ZFHX3: variants seen among roughly 807,000 people sequenced by gnomAD.
The protein encoded by ZFHX3 is zinc finger homeobox protein 3.
Under a neutral mutation model 279.1 loss-of-function variants are expected in ZFHX3, and 42 were observed. That is an observed-to-expected ratio of 0.15 (90% CI 0.12 to 0.19). ZFHX3 has a LOEUF of 0.19. Ranked by LOEUF, ZFHX3 falls within the 10% of genes least tolerant of loss-of-function variation. The probability of loss-of-function intolerance (pLI) is 1.00; values close to 1 mark genes in which losing one functional copy is unlikely to be tolerated. For synonymous variants in ZFHX3, 2,293 were observed against 1,957.8 expected (o/e 1.17, Z -4.52); for missense variants, 4,981 against 4,754.0 (o/e 1.05, Z -1.40).
intron 3 of ZFHX3, among the ~76,000 whole-genome samples, chr16:73,422,708 C>T (rs1211360135): frequency 6.6e-6 from 1 of 152,182 alleles, no homozygotes; most frequent in Non-Finnish European, 1.5e-5. Flanking sequence ...TGCCTCTTTG[C>T]TCTATTCCTT....
At chr16:73,126,421 TGGGGACTGAAGTACTGGATGTGTCAAGC>T (rs984150066) in intron 7 of ZFHX3, among the ~76,000 whole-genome samples, 1 of 151,946 alleles carries the variant, frequency 6.6e-6, no homozygotes, top group Non-Finnish European at 1.5e-5. Context: ...CAACAGGACT[TGGGGACTGAAGTACTGGATGTGTCAAGC>T]GGGGACTGAA....
intron 1 of ZFHX3, among the ~76,000 whole-genome samples, chr16:73,716,659 G>A (rs868387150): frequency 0.025 from 3,501 of 140,288 alleles, 51 homozygotes; most frequent in African/African-American, 0.034. Flanking sequence ...ACGCATGCAC[G>A]CACGCACAGA....
At chr16:72,893,984 T>C (rs978665777) in intron 3 of ZFHX3, among the ~76,000 whole-genome samples, 1 of 151,994 alleles carries the variant, frequency 6.6e-6, no homozygotes, top group African/African-American at 2.4e-5. Context: ...ACCCCGTCTC[T>C]ATAAAAATAC....
upstream of ZFHX3, among the ~76,000 whole-genome samples, chr16:73,052,857 T>C (rs1965475531): frequency 6.6e-6 from 1 of 152,194 alleles, no homozygotes; most frequent in Non-Finnish European, 1.5e-5. Flanking sequence ...AGGGGACTCC[T>C]TCCCTGCTGC....
Position 73,581,086 on chromosome 16 carries a change from C to T in ZFHX3, c.-1547+99094G>A, listed in dbSNP as rs79319015. Among the ~76,000 whole-genome samples, 94 of 151,864 alleles carry T rather than the reference C, an allele frequency of 6.2e-4. 2 individuals are homozygous for T. In the East Asian group the frequency reaches 0.017, roughly 27 times the overall value. ...GTTCAGTGGACAGATCTAGGAAATG[C>T]TCGTCTTGCCTTTTCTAGAAAAATG... On this transcript the variant is annotated intron_variant, in intron 2 of 17. Coordinates refer to the ZFHX3 transcript ENST00000641206.
intron 2 of ZFHX3, among the ~76,000 whole-genome samples, chr16:73,622,920 C>T (rs770560410): frequency 3.9e-5 from 6 of 152,224 alleles, no homozygotes; most frequent in Non-Finnish European, 8.8e-5. Flanking sequence ...AGAATAATGC[C>T]TGTTGTTTCT....
chr16:72,787,063 TG>T lies in ZFHX3; in HGVS notation c.*100del. 8.4e-7 allele frequency: 1 copy of T among 1,189,004 alleles called. No individual in the cohort carries two copies. Among genetic ancestry groups the T allele is most frequent in the Non-Finnish European group, 1.1e-6 (1 of 922,330 alleles). 73.7% of individuals were successfully genotyped at this position (1,189,004 alleles called of 1,614,324 possible). ...TCTTTTTTTTTTTTTTTTTGTTTTT[TG>T]GTTAGAAGCTTTGGAATTGCAGTTA... On this transcript the variant is annotated 3_prime_UTR_variant, in exon 10 of 10. Coordinates refer to ENST00000268489, the MANE Select transcript of ZFHX3 (RefSeq NM_006885.4).
chr16:73,120,728 C>T (rs970792729), intron 7 of ZFHX3, among the ~76,000 whole-genome samples: 16 of 143,734 alleles, frequency 1.1e-4, no homozygotes, highest in African/African-American at 4.2e-4. Flanking sequence ...GATCTTGGCT[C>T]ACTGCACCCT....
intron 2 of ZFHX3, among the ~76,000 whole-genome samples, chr16:73,543,009 C>T (rs1009616065): frequency 5.9e-5 from 9 of 152,064 alleles, no homozygotes; most frequent in African/African-American, 1.4e-4. Context: ...AGTTTTTAAC[C>T]GTATATTTCC....
intron 2 of ZFHX3, among the ~76,000 whole-genome samples, chr16:73,493,881 G>A (rs1228666644): frequency 1.3e-5 from 2 of 148,726 alleles, no homozygotes; most frequent in African/African-American, 5.2e-5. Flanking sequence ...CCTCAGAGCT[G>A]CTAGAATGCA....
chr16:73,747,372 G>A (rs932427871), intron 1 of ZFHX3, among the ~76,000 whole-genome samples: 2 of 152,086 alleles, frequency 1.3e-5, no homozygotes, highest in African/African-American at 4.8e-5. Context: ...GACAGAGTAA[G>A]ACTCTATCTC....
chr16:72,890,496 G>GT (rs113661748), intron 3 of ZFHX3, among the ~76,000 whole-genome samples: 4,451 of 141,834 alleles, frequency 0.031, 111 homozygotes, highest in African/African-American at 0.08. Flanking sequence ...TCCTTAGAGG[G>GT]TTTTTTTTTT....
At position 73,236,985 on chromosome 16, in the gene ZFHX3, G is replaced by A. The variant is rs141562917; in HGVS notation, c.-1104+20062C>T. ...ACAATGACATCTCACAATCGTGCAG[G>A]GCTTTCCAATTTCCACGGTGCTCTT... On this transcript the variant is annotated intron_variant, in intron 5 of 17. Transcript: ENST00000641206. Among the ~76,000 whole-genome samples the A allele has an allele frequency of 1.8e-4, 28 of 152,226 alleles. No homozygotes were observed. The East Asian group carries it at 5.0e-3, about 27-fold the overall frequency.
chr16:73,287,157 T>G (rs1045207236), intron 4 of ZFHX3, among the ~76,000 whole-genome samples: 3 of 141,068 alleles, frequency 2.1e-5, no homozygotes, highest in African/African-American at 8.1e-5. Flanking sequence ...GCTGTGTGAG[T>G]GTGTGGGTTG....
intron 5 of ZFHX3, among the ~76,000 whole-genome samples, chr16:72,820,385 A>T (rs1181769309): frequency 1.3e-5 from 2 of 152,154 alleles, no homozygotes; most frequent in Non-Finnish European, 2.9e-5. Flanking sequence ...TCCACATTTC[A>T]ATTTCAAGAC....
At chr16:73,269,430 T>C (rs11642259) in intron 4 of ZFHX3, among the ~76,000 whole-genome samples, 66,028 of 152,136 alleles carry the variant, frequency 0.43, 15,524 homozygotes, top group East Asian at 0.66. Flanking sequence ...TCAGTATTTT[T>C]TGTTAGCGAC....
chr16:73,045,951 A>G (rs768416665), intron 1 of ZFHX3, among the ~76,000 whole-genome samples: 1 of 152,166 alleles, frequency 6.6e-6, no homozygotes, highest in Non-Finnish European at 1.5e-5. Context: ...GTTAAATAAC[A>G]CTTGTGTAAT....
At chr16:73,037,137 A>G (rs2144691504) in intron 1 of ZFHX3, among the ~76,000 whole-genome samples, 1 of 152,366 alleles carries the variant, frequency 6.6e-6, no homozygotes, top group Admixed American at 6.5e-5. Context: ...GACTATTAAA[A>G]GCGGAGTCCA....
intron 2 of ZFHX3, among the ~76,000 whole-genome samples, chr16:73,666,871 T>C (rs1036894495): frequency 6.6e-6 from 1 of 152,012 alleles, no homozygotes; most frequent in African/African-American, 2.4e-5. Context: ...CATGGAGATG[T>C]TTGAGTCTGG....
Sources: gnomAD v4.1 joint callset for allele counts (sites outside exome capture counted in the v4.1 genomes callset) on GRCh38, gnomAD v4.1.1 for gene constraint, MANE v1.5 for transcripts, NCBI Gene and HGNC (gene_info 2026-07-23, HGNC 2026-07-21) for gene names.